The following USP10 variants were observed in gnomAD, a reference collection of about 807,000 sequenced individuals.
The protein encoded by USP10 is ubiquitin specific peptidase 10, also known as ubiquitin carboxyl-terminal hydrolase 10.
A neutral mutation model predicts 84.5 loss-of-function variants in USP10; 22 were observed. That is an observed-to-expected ratio of 0.26 (90% confidence interval 0.19 to 0.37). The LOEUF is 0.37. USP10 is among the 10% of genes least tolerant of loss of function. The pLI, the probability that USP10 is intolerant of heterozygous loss-of-function variation, is 1.00. For missense variants in USP10, 1,019 were observed against 998.9 expected (o/e 1.02, Z -0.27); for synonymous variants, 454 against 387.6 (o/e 1.17, Z -2.01).
chr16:84,771,285 A>G (rs1030012411), intron 11 of USP10, among the ~76,000 whole-genome samples: 6 of 152,160 alleles, frequency 3.9e-5, no homozygotes, highest in African/African-American at 1.2e-4. Context: ...TAAAACATCT[A>G]ATTGGCCTGG....
intron 1 of USP10, 44 bp downstream of exon 1, chr16:84,700,155 C>T (rs753172108): frequency 8.1e-7 from 1 of 1,230,276 alleles, no homozygotes; most frequent in Non-Finnish European, 1.0e-6. Flanking sequence ...GCCCGAGCCC[C>T]GGGCGGGCGG....
intron 1 of USP10, among the ~76,000 whole-genome samples, chr16:84,708,598 C>T (rs1361217168): frequency 6.6e-6 from 1 of 152,184 alleles, no homozygotes; most frequent in African/African-American, 2.4e-5. Context: ...GGTAATTCAC[C>T]TGAATTTTTC....
At chr16:84,720,101 T>G (rs561961794) in intron 1 of USP10, among the ~76,000 whole-genome samples, 1 of 152,320 alleles carries the variant, frequency 6.6e-6, no homozygotes, top group South Asian at 2.1e-4. Flanking sequence ...TGTAAGTACT[T>G]CTTATTAGAC....
chr16:84,744,340 T>C (rs1425604205), intron 3 of USP10, among the ~76,000 whole-genome samples: 1 of 152,162 alleles, frequency 6.6e-6, no homozygotes, highest in African/African-American at 2.4e-5. Context: ...TTTTTAAAAT[T>C]GGCAAAATAT....
chr16:84,702,205 C>T (rs1263761360), intron 1 of USP10, among the ~76,000 whole-genome samples: 2 of 151,458 alleles, frequency 1.3e-5, no homozygotes, highest in Non-Finnish European at 2.9e-5. Flanking sequence ...TACAGGCGCC[C>T]ACCACCATGC....
At chr16:84,701,697 G>C (rs1304027637) in intron 1 of USP10, among the ~76,000 whole-genome samples, 10 of 152,156 alleles carry the variant, frequency 6.6e-5, no homozygotes, top group Non-Finnish European at 1.5e-5. Context: ...TAATGGGGAT[G>C]GATAATATGT....
rs182950746 is a variant in USP10, at chr16:84,719,951, A to G, written c.22-13484A>G. 1.7e-3 allele frequency among the ~76,000 whole-genome samples: 266 copies of G among 152,350 alleles called. 1 individual carries two copies. The highest frequency in any genetic ancestry group is 6.3e-3 in the African/African-American group (260 of 41,584). On this transcript the variant is annotated intron_variant, in intron 1 of 13. Transcript: ENST00000219473. ...TTGCATTCTTTTATTTTCAACAGAT[A>G]GTAATTTTGCAGCTTTTTACTTCTT...
chr16:84,735,224 T>TGG (rs1302741602), intron 2 of USP10, among the ~76,000 whole-genome samples: 1 of 150,694 alleles, frequency 6.6e-6, no homozygotes, highest in Non-Finnish European at 1.5e-5. Flanking sequence ...TGTGTGTGTG[T>TGG]GTGTGTGTGT....
Position 84,775,177 on chromosome 16 carries a change from G to C in USP10, c.2161G>C (p.Val721Leu), listed in dbSNP as rs757251475. The C allele has an allele frequency of 2.5e-6, 4 of 1,613,700 alleles. No individual in the cohort carries two copies. The highest frequency in any genetic ancestry group is 1.7e-5 in the Admixed American group (1 of 60,006). ...EISKELLSPGVKNKNFKCHRT... is the reference protein window; with the variant it reads ...EISKELLSPGLKNKNFKCHRT... ...TTTTCCAGAACTGCTTTCTCCAGGG[G>C]TTAAAAATAAGAATTTTAAATGCCA... is the stretch of plus-strand genomic sequence containing the variant. Residue 721 changes from valine (V) to leucine (L), a missense_variant, in exon 13 of 14, where the codon GTT (valine) becomes CTT (leucine). Val to Leu is a conservative substitution (Grantham distance 32, BLOSUM62 1). Transcript: ENST00000219473.
intron 1 of USP10, among the ~76,000 whole-genome samples, chr16:84,728,670 A>G (rs982494806): frequency 6.6e-6 from 1 of 151,736 alleles, no homozygotes; most frequent in Non-Finnish European, 1.5e-5. Context: ...ATGTCCGTCC[A>G]CTCACTGGTA....
chr16:84,772,461 C>G (rs1349851004), intron 11 of USP10, 80 bp from the exon 12 acceptor site: 2 of 1,589,794 alleles, frequency 1.3e-6, no homozygotes, highest in African/African-American at 2.7e-5. Context: ...CAGAGGACGT[C>G]TTTGAGCGGA....
intron 3 of USP10, 137 bp downstream of exon 3, chr16:84,740,506 T>A: frequency 1.5e-6 from 1 of 684,098 alleles, no homozygotes; most frequent in Non-Finnish European, 2.5e-6. Context: ...AACTGTAATG[T>A]ATTTAATTGC....
chr16:84,740,234 T>C, intron 2 of USP10, 75 bp from the exon 3 acceptor site: 1 of 1,338,010 alleles, frequency 7.5e-7, no homozygotes, highest in Non-Finnish European at 1.1e-6. Context: ...TAATGAATTG[T>C]TGCCTTAATT....
intron 1 of USP10, among the ~76,000 whole-genome samples, chr16:84,715,424 C>T (rs1382341893): frequency 6.6e-6 from 1 of 152,016 alleles, no homozygotes; most frequent in East Asian, 1.9e-4. Flanking sequence ...GTGGCAGGTT[C>T]TTTTGTAGTA....
Position 84,754,279 on chromosome 16 carries a change from G to C in USP10, c.1193-4437G>C, listed in dbSNP as rs117153286. On this transcript the variant is annotated intron_variant, in intron 4 of 13. Transcript: ENST00000219473. The stretch of plus-strand genomic sequence containing the variant: ...TGATACGGTATTTTAGTTTATGAAA[G>C]ACTTGCCACTAGATAAAATTTTTCT... Among the ~76,000 whole-genome samples the C allele has an allele frequency of 6.0e-3, 913 of 152,178 alleles. 4 individuals carry two copies. Among genetic ancestry groups the C allele is most frequent in the Non-Finnish European group, 9.4e-3 (642 of 68,008 alleles).
In USP10 at chr16:84,779,185, C is replaced by T. The variant is rs1240448003; in HGVS notation, c.*103C>T. On this transcript the variant is annotated 3_prime_UTR_variant, in exon 14 of 14. Transcript: ENST00000219473. ...GTGGCTCTTTAGAGAGAAACTCTTT[C>T]TCCCTTTGCAAAAATGGGCTAGAAT... 2.2e-6 allele frequency: 3 copies of T among 1,392,096 alleles called. No homozygotes were observed. The highest frequency in any genetic ancestry group is 2.9e-6 in the Non-Finnish European group (3 of 1,034,560). 86.2% of individuals were successfully genotyped at this position (1,392,096 alleles called of 1,614,324 possible).
chr16:84,710,000 A>G (rs569087620), intron 1 of USP10, among the ~76,000 whole-genome samples: 2 of 152,214 alleles, frequency 1.3e-5, no homozygotes, highest in East Asian at 3.9e-4. Context: ...GCCGGGTGCG[A>G]GGCTCACGCC....
intron 8 of USP10, among the ~76,000 whole-genome samples, chr16:84,762,643 A>G (rs1452010207): frequency 6.6e-6 from 1 of 151,682 alleles, no homozygotes; most frequent in Non-Finnish European, 1.5e-5. Context: ...CTGAGCTGAG[A>G]TTGCACCACT....
intron 1 of USP10, among the ~76,000 whole-genome samples, chr16:84,708,377 G>T (rs1449138499): frequency 6.6e-6 from 1 of 152,274 alleles, no homozygotes; most frequent in East Asian, 1.9e-4. Context: ...TTGAACCCGT[G>T]GGGGCAGAGG....
Sources: gnomAD v4.1 joint callset for allele counts (sites outside exome capture counted in the v4.1 genomes callset) on GRCh38, gnomAD v4.1.1 for gene constraint, MANE v1.5 for transcripts, NCBI Gene and HGNC (gene_info 2026-07-23, HGNC 2026-07-21) for gene names.